The following CENPL variants were observed in gnomAD, a reference collection of about 807,000 sequenced individuals.
CENPL encodes centromere protein L.
Under a neutral mutation model 35.2 loss-of-function variants are expected in CENPL, and 20 were observed. The observed-to-expected ratio is 0.57, with a 90% confidence interval of 0.40 to 0.83. The LOEUF is 0.83. Among genes scored for constraint, CENPL ranks in the 40% least tolerant of loss-of-function variants. The pLI is 0.00. For synonymous variants in CENPL, 140 were observed against 140.6 expected (o/e 1.00, Z 0.03); for missense variants, 363 against 395.8 (o/e 0.92, Z 0.70).
chr1:173,818,203 T>C (rs949291125), intron 2 of CENPL, among the ~76,000 whole-genome samples: 4 of 152,076 alleles, frequency 2.6e-5, no homozygotes, highest in Non-Finnish European at 5.9e-5. Context: ...AAATCTGTCA[T>C]CCCTTCACAA....
chr1:173,824,452 G>C lies in CENPL; in HGVS notation c.-342C>G, dbSNP rs966078483. ...GCCTCCTTGGCGCCTCGCCGATTCCGTATCAGTGAAGCAACTAAAATTGCC... is the reference window on the plus strand; with the variant it reads ...GCCTCCTTGGCGCCTCGCCGATTCCCTATCAGTGAAGCAACTAAAATTGCC... On this transcript the variant is annotated 5_prime_UTR_variant, in exon 1 of 6. Transcript: ENST00000682279. The C allele has an allele frequency of 1.3e-5, 2 of 152,270 alleles. No homozygotes were observed. Among genetic ancestry groups the C allele is most frequent in the African/African-American group, 4.8e-5 (2 of 41,452 alleles). 9.4% of individuals were successfully genotyped at this position (152,270 alleles called of 1,614,324 possible). A position where few individuals can be genotyped will look rare whatever the true frequency, so the allele number is the denominator to read the frequency against.
intron 2 of CENPL, among the ~76,000 whole-genome samples, chr1:173,815,482 T>C (rs1257303780): frequency 1.3e-5 from 2 of 152,132 alleles, no homozygotes; most frequent in East Asian, 1.9e-4. Context: ...AAAAAGCTTA[T>C]CCACCATGAC....
At chr1:173,802,335 T>G (rs1401898469) in intron 5 of CENPL, among the ~76,000 whole-genome samples, 2 of 152,044 alleles carry the variant, frequency 1.3e-5, no homozygotes, top group Non-Finnish European at 2.9e-5. Context: ...CCTCCCCCAG[T>G]AGCTGGGACT....
chr1:173,822,613 T>G (rs758768803), intron 2 of CENPL: 2 of 152,234 alleles, frequency 1.3e-5, no homozygotes, highest in African/African-American at 2.4e-5. Context: ...TTTTGCTCAG[T>G]AATAATTCCA....
intron 2 of CENPL, chr1:173,822,027 C>T (rs1257210336): frequency 6.6e-6 from 1 of 152,074 alleles, no homozygotes; most frequent in Non-Finnish European, 1.5e-5. Flanking sequence ...TTTTCTTTCA[C>T]TGCCAAGCAT....
chr1:173,818,870 A>G (rs913444686), intron 2 of CENPL, among the ~76,000 whole-genome samples: 6 of 152,224 alleles, frequency 3.9e-5, no homozygotes, highest in Non-Finnish European at 7.3e-5. Flanking sequence ...ATAATTACCC[A>G]AATACAAGGC....
intron 2 of CENPL, among the ~76,000 whole-genome samples, chr1:173,820,515 T>TAAA (rs1309523406): frequency 3.3e-5 from 5 of 151,802 alleles, no homozygotes; most frequent in African/African-American, 1.2e-4. Flanking sequence ...CCCTCTCTAA[T>TAAA]TAATAAATAA....
At chr1:173,802,207 CTT>C (rs891212360) in intron 5 of CENPL, among the ~76,000 whole-genome samples, 1 of 147,336 alleles carries the variant, frequency 6.8e-6, no homozygotes. Flanking sequence ...ATTTCTGATA[CTT>C]TTTTTTTTTC....
intron 2 of CENPL, chr1:173,823,493 C>G (rs1652207531): frequency 6.6e-6 from 1 of 152,238 alleles, no homozygotes; most frequent in Non-Finnish European, 1.5e-5. Context: ...CATGCACCCC[C>G]TACTCTAGAC....
intron 3 of CENPL, among the ~76,000 whole-genome samples, chr1:173,809,144 C>T (rs757638111): frequency 6.6e-5 from 10 of 152,144 alleles, no homozygotes; most frequent in Admixed American, 1.3e-4. Context: ...AGTTCGAGAC[C>T]AGCCTGGCCA....
At chr1:173,820,343 A>G (rs1016438401) in intron 2 of CENPL, among the ~76,000 whole-genome samples, 5 of 151,952 alleles carry the variant, frequency 3.3e-5, no homozygotes, top group African/African-American at 1.2e-4. Context: ...TGGACAACAC[A>G]GCAAGACCCC....
At chr1:173,806,420 C>CA (rs1449296066) in intron 4 of CENPL, 3 of 444,656 alleles carry the variant, frequency 6.7e-6, no homozygotes, top group Non-Finnish European at 1.3e-5. Flanking sequence ...ACCCTGTCTA[C>CA]AAAAAATACA....
At chr1:173,804,439 T>C (rs1213030588) in intron 4 of CENPL, among the ~76,000 whole-genome samples, 2 of 152,374 alleles carry the variant, frequency 1.3e-5, no homozygotes, top group Admixed American at 1.3e-4. Flanking sequence ...CTGAAATTAT[T>C]CTGCATAGGA....
chr1:173,811,266 T>G lies in CENPL; in HGVS notation c.34A>C (p.Ser12Arg), dbSNP rs1650797420. The change falls in exon 3 of 6, where the codon AGT becomes CGT. Residue 12 changes from serine (S) to arginine (R), a missense_variant. Coordinates refer to ENST00000682279, the MANE Select transcript of CENPL (RefSeq NM_001387287.1). ...TAATCTTCAGGTCTTGAGGATGCAC[T>G]AGGAGTTGACTCTGGTGCACTGTAA... ...DSYSAPESTPSASSRPEDYFI... is the reference protein window; with the variant it reads ...DSYSAPESTPRASSRPEDYFI... 1 of 1,612,158 alleles carries G rather than the reference T, an allele frequency of 6.2e-7. No individual in the cohort carries two copies. Among genetic ancestry groups the G allele is most frequent in the Non-Finnish European group, 8.5e-7 (1 of 1,178,304 alleles).
At chr1:173,813,955 C>T (rs543340132) in intron 2 of CENPL, among the ~76,000 whole-genome samples, 58 of 152,002 alleles carry the variant, frequency 3.8e-4, no homozygotes, top group African/African-American at 1.2e-3. Flanking sequence ...GACACACATA[C>T]GCTCAAAATA....
At chr1:173,807,606 A>T in intron 3 of CENPL, 88 bp from the exon 4 acceptor site, 2 of 1,109,178 alleles carry the variant, frequency 1.8e-6, no homozygotes, top group South Asian at 2.0e-5. Flanking sequence ...TAATACAAAT[A>T]TATTATTGAG....
At chr1:173,805,155 C>T (rs1161434907) in intron 4 of CENPL, among the ~76,000 whole-genome samples, 1 of 152,202 alleles carries the variant, frequency 6.6e-6, no homozygotes, top group African/African-American at 2.4e-5. Context: ...CTTCTCTGTG[C>T]ATCAAGTGCT....
intron 4 of CENPL, among the ~76,000 whole-genome samples, chr1:173,805,459 G>A (rs1650135758): frequency 6.7e-6 from 1 of 149,446 alleles, no homozygotes; most frequent in Non-Finnish European, 1.5e-5. Flanking sequence ...AGGTTGCAGT[G>A]AGCCAAGACA....
intron 4 of CENPL, among the ~76,000 whole-genome samples, chr1:173,805,873 A>G (rs1310954204): frequency 6.6e-6 from 1 of 152,182 alleles, no homozygotes; most frequent in Non-Finnish European, 1.5e-5. Flanking sequence ...GTATACCACT[A>G]TCTTGTTTAA....
Sources: gnomAD v4.1 joint callset for allele counts (sites outside exome capture counted in the v4.1 genomes callset) on GRCh38, gnomAD v4.1.1 for gene constraint, MANE v1.5 for transcripts, NCBI Gene and HGNC (gene_info 2026-07-23, HGNC 2026-07-21) for gene names.